The following PCDH7 variants were observed in gnomAD, a reference collection of about 807,000 sequenced individuals.
PCDH7 encodes the protein protocadherin 7.
PCDH7 carries 17 observed loss-of-function variants against 58.9 expected under a neutral mutation model. The observed-to-expected ratio is 0.29, with a 90% CI of 0.20 to 0.43. PCDH7 has a LOEUF of 0.43. Ranked by LOEUF, PCDH7 falls within the 20% of genes least tolerant of loss-of-function variation. The pLI, the probability that PCDH7 is intolerant of heterozygous loss-of-function variation, is 1.00. For synonymous variants in PCDH7, 664 were observed against 616.4 expected, an observed-to-expected ratio of 1.08 and a Z score of -1.14; for missense variants, 1,274 against 1,441.0, an observed-to-expected ratio of 0.88 and a Z score of 1.88.
intron 3 of PCDH7, among the ~76,000 whole-genome samples, chr4:30,977,813 T>G (rs1750205179): frequency 6.6e-6 from 1 of 152,190 alleles, no homozygotes; most frequent in Non-Finnish European, 1.5e-5. Flanking sequence ...CTCTGGAGTG[T>G]CATCTGATCA....
intron 3 of PCDH7, among the ~76,000 whole-genome samples, chr4:31,056,522 A>AAGAAAG (rs1757253236): frequency 7.4e-6 from 1 of 135,254 alleles, no homozygotes; most frequent in African/African-American, 2.6e-5. Flanking sequence ...AGAAAGGGGA[A>AAGAAAG]GGGAAGGGAA....
At chr4:30,993,018 C>T (rs578076724) in intron 3 of PCDH7, among the ~76,000 whole-genome samples, 131 of 152,104 alleles carry the variant, frequency 8.6e-4, no homozygotes, top group African/African-American at 3.0e-3. Context: ...AGGCTGGTCT[C>T]GAACTCCTCA....
chr4:30,883,552 C>T lies in PCDH7; in HGVS notation c.71-36601C>T, dbSNP rs200925918. ...TTAAGAAATACAATTTCCATGGCAACCCCAAAGACCCATGGATACCCACAT... is the reference window on the plus strand; with the variant it reads ...TTAAGAAATACAATTTCCATGGCAATCCCAAAGACCCATGGATACCCACAT... On this transcript the variant is annotated intron_variant, in intron 1 of 3. Transcript: ENST00000509759. Among the ~76,000 whole-genome samples the T allele has an allele frequency of 7.2e-5, 11 of 152,284 alleles. No individual in the cohort carries two copies. In the East Asian group the frequency reaches 2.1e-3, roughly 29 times the overall value.
At chr4:30,963,359 C>T (rs1044723834) in intron 3 of PCDH7, among the ~76,000 whole-genome samples, 50 of 152,142 alleles carry the variant, frequency 3.3e-4, no homozygotes, top group Non-Finnish European at 7.1e-4. Context: ...TGCTTCCTCT[C>T]ACTGTTGGAG....
chr4:30,776,083 G>A (rs1722033352), intron 1 of PCDH7, among the ~76,000 whole-genome samples: 1 of 152,042 alleles, frequency 6.6e-6, no homozygotes, highest in African/African-American at 2.4e-5. Context: ...ATTTTCCTCT[G>A]GATTTGTTCT....
chr4:30,728,288 T>TAC (rs1242492882), intron 1 of PCDH7, among the ~76,000 whole-genome samples: 1 of 92,502 alleles, frequency 1.1e-5, no homozygotes, highest in African/African-American at 4.0e-5. Context: ...TATATATATA[T>TAC]ATATATATAG....
intron 1 of PCDH7, among the ~76,000 whole-genome samples, chr4:30,895,146 T>A (rs755866248): frequency 2.0e-4 from 29 of 142,942 alleles, no homozygotes; most frequent in African/African-American, 3.5e-4. Context: ...AAAAAAAAAA[T>A]AATAATAATA....
intron 3 of PCDH7, among the ~76,000 whole-genome samples, chr4:31,104,957 C>T (rs1295085625): frequency 6.6e-6 from 1 of 152,164 alleles, no homozygotes; most frequent in East Asian, 1.9e-4. Context: ...AATATGAAAG[C>T]ACCAGTGTAC....
chr4:30,785,825 CA>C lies in PCDH7; in HGVS notation c.70+61230del, dbSNP rs558906265. ...AATTCTTAAAAATAAGCACTTTGGG[CA>C]GTGAAATGTACCATGTTTACTCTAT... is the stretch of plus-strand genomic sequence containing the variant. On this transcript the variant is annotated intron_variant, in intron 1 of 3. Transcript: ENST00000509759. Among the ~76,000 whole-genome samples, 58 of 152,084 alleles carry C rather than the reference CA, an allele frequency of 3.8e-4. 1 individual carries two copies. Among genetic ancestry groups the C allele is most frequent in the African/African-American group, 1.3e-3 (55 of 41,530 alleles).
chr4:30,997,847 G>T (rs983349351), intron 3 of PCDH7, among the ~76,000 whole-genome samples: 12 of 151,986 alleles, frequency 7.9e-5, no homozygotes, highest in African/African-American at 2.9e-4. Flanking sequence ...TTTTATTGAG[G>T]GATGGCAGAA....
At chr4:30,882,616 G>A (rs1737132418) in intron 1 of PCDH7, among the ~76,000 whole-genome samples, 1 of 152,088 alleles carries the variant, frequency 6.6e-6, no homozygotes. Flanking sequence ...GTACCAGTTG[G>A]TAAAATAAAT....
chr4:30,896,113 G>A (rs1367497366), intron 1 of PCDH7, among the ~76,000 whole-genome samples: 1 of 152,028 alleles, frequency 6.6e-6, no homozygotes, highest in Non-Finnish European at 1.5e-5. Flanking sequence ...TATTCTAATG[G>A]CATTTTTTAT....
intron 1 of PCDH7, among the ~76,000 whole-genome samples, chr4:30,874,903 A>G (rs1301187322): frequency 6.6e-6 from 1 of 151,844 alleles, no homozygotes; most frequent in Non-Finnish European, 1.5e-5. Context: ...TATTATTCTT[A>G]TTTTTACTGT....
chr4:30,778,858 C>T lies in PCDH7; in HGVS notation c.70+54262C>T, dbSNP rs147302142. ...CATAATTTAAGTGGAAATAAAGAGC[C>T]GAATTGAGAGTGAATACATTTGCTT... On this transcript the variant is annotated intron_variant, in intron 1 of 3. Transcript: ENST00000509759. Among the ~76,000 whole-genome samples the T allele has an allele frequency of 1.2e-3, 185 of 151,886 alleles. No homozygotes were observed. The South Asian group carries it at 0.014, about 11-fold the overall frequency.
intron 3 of PCDH7, among the ~76,000 whole-genome samples, chr4:31,049,546 C>T (rs2109217957): frequency 6.6e-6 from 1 of 152,186 alleles, no homozygotes; most frequent in South Asian, 2.1e-4. Flanking sequence ...TTGATTGTAT[C>T]TGTTCATTGC....
chr4:31,139,754 A>C (rs1720026743), intron 3 of PCDH7, among the ~76,000 whole-genome samples: 1 of 152,178 alleles, frequency 6.6e-6, no homozygotes, highest in African/African-American at 2.4e-5. Context: ...CCAAATTGGA[A>C]GTTTTGATTG....
intron 2 of PCDH7, among the ~76,000 whole-genome samples, chr4:30,922,874 T>A (rs1743354988): frequency 6.6e-6 from 1 of 152,238 alleles, no homozygotes; most frequent in South Asian, 2.1e-4. Flanking sequence ...AGTAACAAAT[T>A]TGTTGGGTCC....
At chr4:30,987,605 T>A (rs2109118923) in intron 3 of PCDH7, 1 of 152,194 alleles carries the variant, frequency 6.6e-6, no homozygotes, top group East Asian at 1.9e-4. Context: ...AACGCTTGAA[T>A]CCAGAAGTTC....
intron 3 of PCDH7, among the ~76,000 whole-genome samples, chr4:31,050,701 A>T (rs1212199084): frequency 6.6e-6 from 1 of 152,168 alleles, no homozygotes; most frequent in Non-Finnish European, 1.5e-5. Flanking sequence ...TCTAAGAAGC[A>T]CATCTTTATA....
Sources: allele counts gnomAD v4.1 joint callset (sites outside exome capture counted in the v4.1 genomes callset), GRCh38; gene constraint gnomAD v4.1.1; transcripts MANE v1.5; gene names NCBI Gene and HGNC (gene_info 2026-07-23, HGNC 2026-07-21).